Variants in ADCY7 observed in about 807,000 individuals in gnomAD.
ADCY7 encodes the protein adenylate cyclase type 7.
In ADCY7, 72 loss-of-function variants were observed where a neutral mutation model predicts 120.6. The ratio of observed to expected loss-of-function variants is 0.60; its 90% CI spans 0.49 to 0.73. The LOEUF is 0.73. Ranked by LOEUF, ADCY7 falls within the 30% of genes least tolerant of loss-of-function variation. ADCY7 has a pLI of 0.00. For synonymous variants in ADCY7, 661 were observed against 628.0 expected (o/e 1.05, Z -0.78); for missense variants, 1,227 against 1,486.0 (o/e 0.83, Z 2.87).
chr16:50,284,904 C>T (rs778186896), intron 1 of ADCY7, among the ~76,000 whole-genome samples: 9 of 152,066 alleles, frequency 5.9e-5, no homozygotes, highest in Admixed American at 1.3e-4. Flanking sequence ...GTGCAGGTGC[C>T]GGGGGTGACA....
At chr16:50,303,066 T>A (rs138408591) in intron 10 of ADCY7, among the ~76,000 whole-genome samples, 290 of 152,352 alleles carry the variant, frequency 1.9e-3, no homozygotes, top group Middle Eastern at 3.4e-3. Flanking sequence ...GATTTTTGTT[T>A]CTGCTTTTTA....
In ADCY7 at chr16:50,283,794, G is replaced by A. The variant is rs568508568; in HGVS notation, c.-268-4118G>A. Among the ~76,000 whole-genome samples, 24 of 152,294 alleles carry A rather than the reference G, an allele frequency of 1.6e-4. No individual in the cohort carries two copies. In the East Asian group the frequency reaches 4.1e-3, roughly 26 times the overall value. ...TTTGGAGTTCAGACAGGACCCATGC[G>A]GTGTGGGTGAGGGAGTGACAGGGAG... On this transcript the variant is annotated intron_variant, in intron 1 of 25. Transcript: ENST00000673801.
chr16:50,290,495 C>T lies in ADCY7; in HGVS notation c.210C>T (p.Phe70=), dbSNP rs1187646397. Residue 70 remains phenylalanine, a synonymous_variant, in exon 3 of 26, where the codon TTC becomes TTT. Coordinates refer to ENST00000673801, the MANE Select transcript of ADCY7 (RefSeq NM_001114.5). ...SRHQAILGMA[F]LVLAVFAALS... ...ACCAGGCCATTCTGGGCATGGCGTT[C>T]CTGGTGCTGGCGGTGTTTGCGGCCC... 3.1e-6 allele frequency: 5 copies of T among 1,614,104 alleles called. No homozygotes were observed.
chr16:50,258,312 C>T (rs946553599), intron 1 of ADCY7, among the ~76,000 whole-genome samples: 1 of 152,146 alleles, frequency 6.6e-6, no homozygotes, highest in Non-Finnish European at 1.5e-5. Flanking sequence ...AGTTTTTCAT[C>T]TGTAGGACTG....
intron 1 of ADCY7, among the ~76,000 whole-genome samples, chr16:50,250,887 T>C (rs2032738370): frequency 1.3e-5 from 2 of 152,204 alleles, no homozygotes; most frequent in Admixed American, 6.5e-5. Flanking sequence ...TAGAATTCTT[T>C]GTACTTATCA....
At chr16:50,287,053 G>A (rs549630701) in intron 1 of ADCY7, among the ~76,000 whole-genome samples, 1 of 149,084 alleles carries the variant, frequency 6.7e-6, no homozygotes, top group Non-Finnish European at 1.5e-5. Flanking sequence ...GTCTCACTCT[G>A]TTGCCCAGGC....
intron 8 of ADCY7, among the ~76,000 whole-genome samples, chr16:50,299,796 C>T (rs1036609334): frequency 6.6e-6 from 1 of 152,200 alleles, no homozygotes; most frequent in African/African-American, 2.4e-5. Flanking sequence ...ACCTCTGGTT[C>T]CGACCCTGGA....
chr16:50,245,454 A>G (rs2032550186), upstream of ADCY7, among the ~76,000 whole-genome samples: 3 of 152,168 alleles, frequency 2.0e-5, no homozygotes, highest in South Asian at 6.2e-4. Flanking sequence ...TCCCAGGGTG[A>G]CTCACAGGAG....
In ADCY7 at chr16:50,300,772, G is replaced by T. The variant is rs1356180853; in HGVS notation, c.1134G>T (p.Gly378=). 3 of 1,553,136 alleles carry T rather than the reference G, an allele frequency of 1.9e-6. No homozygotes were observed. The South Asian group carries it at 3.6e-5, about 18-fold the overall frequency. ...ACATGCGTGTGGGCATACACTCGGG[G>T]AATGTGCTGTGCGGGGTCATCGGGC... The part of the protein sequence containing the change: ...DINMRVGIHS[G]NVLCGVIGLR... Residue 378 remains glycine (G), a synonymous_variant, in exon 9 of 26, where the codon GGG becomes GGT. Coordinates refer to ENST00000673801, the MANE Select transcript of ADCY7 (RefSeq NM_001114.5).
chr16:50,270,202 G>GATAC (rs2033468760), intron 1 of ADCY7, among the ~76,000 whole-genome samples: 2 of 151,970 alleles, frequency 1.3e-5, no homozygotes, highest in African/African-American at 4.8e-5. Context: ...TAGATAGATA[G>GATAC]ATAGATAGAT....
intron 6 of ADCY7, among the ~76,000 whole-genome samples, 168 bp from the exon 7 acceptor site, chr16:50,294,472 T>A (rs1334769185): frequency 2.9e-4 from 44 of 152,144 alleles, no homozygotes; most frequent in Admixed American, 2.9e-3. Flanking sequence ...TTAATCTGTC[T>A]CTATGGCTGG....
At chr16:50,255,700 C>T (rs1172985755) in intron 1 of ADCY7, among the ~76,000 whole-genome samples, 1 of 152,182 alleles carries the variant, frequency 6.6e-6, no homozygotes, top group African/African-American at 2.4e-5. Flanking sequence ...ACATGCTGCC[C>T]AGGCTGGTCT....
chr16:50,269,061 A>G (rs2033394422), intron 1 of ADCY7, among the ~76,000 whole-genome samples: 1 of 152,182 alleles, frequency 6.6e-6, no homozygotes, highest in African/African-American at 2.4e-5. Context: ...AATTTTTCAA[A>G]AGAGACAAAA....
chr16:50,301,146 C>T lies in ADCY7; in HGVS notation c.1300C>T (p.His434Tyr), dbSNP rs1286042156. 1.2e-6 allele frequency: 2 copies of T among 1,613,828 alleles called. No individual in the cohort carries two copies. The highest frequency in any genetic ancestry group is 1.3e-5 in the African/African-American group (1 of 75,046). The change falls in exon 10 of 26, where the codon CAC becomes TAC. Residue 434 changes from histidine to tyrosine, a missense_variant. This residue lies in a region of ADCY7 where 332 missense variants were observed against 455.8 expected (regional missense o/e 0.73). Coordinates refer to ENST00000673801, the MANE Select transcript of ADCY7 (RefSeq NM_001114.5). ...CAAGGCGTACGAGGTGGAGGATGGG[C>T]ACGGGCAGCAGCGGGACCCCTACCT... is the stretch of plus-strand genomic sequence containing the variant. ...LDKAYEVEDG[H>Y]GQQRDPYLKE...
chr16:50,310,515 G>A (rs555185095), intron 18 of ADCY7, 172 bp from the exon 19 acceptor site: 2 of 1,539,494 alleles, frequency 1.3e-6, no homozygotes, highest in Non-Finnish European at 1.7e-6. Context: ...AAACTACAGT[G>A]AAAACAACAC....
In ADCY7 at chr16:50,307,943, C is replaced by A. The variant is rs541484622; in HGVS notation, c.1851-384C>A. 4.7e-5 allele frequency among the ~76,000 whole-genome samples: 7 copies of A among 148,038 alleles called. No homozygotes were observed. The East Asian group carries it at 1.4e-3, about 29-fold the overall frequency. On this transcript the variant is annotated intron_variant, in intron 15 of 25. Coordinates refer to ENST00000673801, the MANE Select transcript of ADCY7 (RefSeq NM_001114.5). The stretch of plus-strand genomic sequence containing the variant: ...CCTGGGAGGCGGAGGTTGCAGTGAG[C>A]CGAGATCATGCCACTGCACTCCAGC...
At chr16:50,279,413 G>A (rs1264738951) in intron 1 of ADCY7, 9 of 152,244 alleles carry the variant, frequency 5.9e-5, no homozygotes, top group African/African-American at 2.2e-4. Flanking sequence ...CCCTTCTGAA[G>A]GGGGAAGCTA....
Position 50,304,346 on chromosome 16 carries a change from A to C in ADCY7, c.1369-14A>C. ...GAGGAGGTGGCACAGGCCCATGTCC[A>C]TGTCTGCCCGCAGAGCCAGCAGCCA... is the stretch of plus-strand genomic sequence containing the variant. On this transcript the variant is annotated splice_polypyrimidine_tract_variant and intron_variant, in intron 10 of 25. Coordinates refer to ENST00000673801, the MANE Select transcript of ADCY7 (RefSeq NM_001114.5). 6.7e-7 allele frequency: 1 copy of C among 1,491,554 alleles called. No individual in the cohort carries two copies. Among genetic ancestry groups the C allele is most frequent in the Non-Finnish European group, 8.9e-7 (1 of 1,118,012 alleles). The allele number at this position is 1,491,554 out of a possible 1,614,324, so 92.4% of individuals were successfully genotyped here.
chr16:50,306,669 T>G (rs2036087393), intron 14 of ADCY7, among the ~76,000 whole-genome samples: 1 of 152,108 alleles, frequency 6.6e-6, no homozygotes. Context: ...GTCCATGTAC[T>G]TGGGGCCATG....
Sources: allele counts gnomAD v4.1 joint callset (sites outside exome capture counted in the v4.1 genomes callset), GRCh38; gene constraint gnomAD v4.1.1; regional missense constraint gnomAD v4.1.1; transcripts MANE v1.5; gene names NCBI Gene and HGNC (gene_info 2026-07-23, HGNC 2026-07-21).